Variants in ICA1L observed in about 807,000 individuals in gnomAD.
The protein encoded by ICA1L is islet cell autoantigen 1-like protein.
ICA1L carries 50 observed loss-of-function variants against 61.3 expected under a neutral mutation model. The ratio of observed to expected loss-of-function variants is 0.82; its 90% CI spans 0.65 to 1.03. The LOEUF (loss-of-function observed/expected upper bound fraction) is 1.03, where lower values mean the gene tolerates loss of function less well. Ranked by LOEUF, ICA1L falls within the 50% of genes least tolerant of loss-of-function variation. The pLI, the probability that ICA1L is intolerant of heterozygous loss-of-function variation, is 0.00. For missense variants in ICA1L, 508 were observed against 556.7 expected (o/e 0.91, Z 0.88); for synonymous variants, 161 against 191.3 (o/e 0.84, Z 1.31).
chr2:202,774,597 G>A lies in ICA1L; in HGVS notation c.*4936C>T. The A allele has an allele frequency of 3.4e-6, 1 of 294,272 alleles. No individual in the cohort carries two copies. The highest frequency in any genetic ancestry group is 1.3e-4 in the South Asian group (1 of 7,784). The allele number at this position is 294,272 out of a possible 1,614,324, so 18.2% of individuals were successfully genotyped here. A position where few individuals can be genotyped will look rare whatever the true frequency, so the allele number is the denominator to read the frequency against. On this transcript the variant is annotated 3_prime_UTR_variant, in exon 13 of 13. Transcript: ENST00000358299. The stretch of plus-strand genomic sequence containing the variant: ...CTAGAGAGACCAGTCACTGCATGCT[G>A]AGAGGGGGTCACATGGGAGGGGGCT...
At position 202,788,850 on chromosome 2, in the gene ICA1L, T is replaced by G. The variant is rs1474585500; in HGVS notation, c.1223A>C (p.His408Pro). ...LPSQLFDLGF[H>P]VAGAFNNWVS... ...CTTACTGTTGAACGCTCCAGCCACA[T>G]GAAAGCCAAGGTCAAAGAGTTGTGA... Residue 408 changes from histidine (H) to proline (P), a missense_variant, in exon 11 of 13, where the codon CAT becomes CCT. Physicochemically the swap from His to Pro is moderately conservative, Grantham distance 77 (BLOSUM62 -2). Transcript: ENST00000358299. 6.2e-7 allele frequency: 1 copy of G among 1,614,064 alleles called. No individual in the cohort carries two copies. Among genetic ancestry groups the G allele is most frequent in the South Asian group, 1.1e-5 (1 of 91,072 alleles).
chr2:202,848,670 A>C (rs1359859833), intron 1 of ICA1L, among the ~76,000 whole-genome samples: 1 of 152,166 alleles, frequency 6.6e-6, no homozygotes, highest in Non-Finnish European at 1.5e-5. Context: ...AAAAGTCATA[A>C]ATCTCTTTAA....
chr2:202,829,517 C>T (rs561551824), intron 1 of ICA1L, among the ~76,000 whole-genome samples: 3 of 152,010 alleles, frequency 2.0e-5, no homozygotes, highest in South Asian at 2.1e-4. Flanking sequence ...GTGGTGCAAT[C>T]ATAGTTCAGA....
intron 1 of ICA1L, among the ~76,000 whole-genome samples, chr2:202,843,692 T>C (rs774136576): frequency 1.3e-5 from 2 of 152,184 alleles, no homozygotes; most frequent in Admixed American, 6.5e-5. Flanking sequence ...ATGCAGATGC[T>C]TGTTAAACAG....
At chr2:202,810,927 C>A (rs1559134913) in intron 9 of ICA1L, among the ~76,000 whole-genome samples, 1 of 152,112 alleles carries the variant, frequency 6.6e-6, no homozygotes, top group Non-Finnish European at 1.5e-5. Context: ...TTGGTCAGAC[C>A]AGTTGTCTGC....
rs1692139443 is a variant in ICA1L, at chr2:202,774,136, C to A, written c.*5397G>T. On this transcript the variant is annotated 3_prime_UTR_variant, in exon 13 of 13. Transcript: ENST00000358299. ...AAGCTATTCTCAACTCTTCATTAAT[C>A]AATTCATTTGTTGATGCTTCATATC... 3 of 1,387,170 alleles carry A rather than the reference C, an allele frequency of 2.2e-6. No homozygotes were observed. In the Admixed American group the frequency reaches 6.1e-5, roughly 28 times the overall value. The allele number at this position is 1,387,170 out of a possible 1,614,324, so 85.9% of individuals were successfully genotyped here. A position where few individuals can be genotyped will look rare whatever the true frequency, so the allele number is the denominator to read the frequency against.
chr2:202,810,689 G>A (rs1331592737), intron 9 of ICA1L, among the ~76,000 whole-genome samples: 3 of 152,198 alleles, frequency 2.0e-5, no homozygotes, highest in Admixed American at 1.3e-4. Context: ...AGGCAGAACA[G>A]AGCCATATTT....
chr2:202,843,124 A>G, intron 1 of ICA1L, among the ~76,000 whole-genome samples: 1 of 152,280 alleles, frequency 6.6e-6, no homozygotes, highest in East Asian at 1.9e-4. Context: ...GAGGCAGTTT[A>G]TATATGTCCA....
chr2:202,843,754 T>C (rs1023301743), intron 1 of ICA1L, among the ~76,000 whole-genome samples: 56 of 152,316 alleles, frequency 3.7e-4, no homozygotes, highest in Non-Finnish European at 8.8e-5. Flanking sequence ...AGAGTAGCTC[T>C]AGGATTGGGG....
At chr2:202,824,707 TAGG>T (rs1693789218) in intron 3 of ICA1L, among the ~76,000 whole-genome samples, 1 of 152,088 alleles carries the variant, frequency 6.6e-6, no homozygotes, top group Admixed American at 6.5e-5. Context: ...GAGAAGCTTT[TAGG>T]AGGTGTGATT....
At chr2:202,811,655 G>C in intron 9 of ICA1L, 91 bp downstream of exon 9, 2 of 701,396 alleles carry the variant, frequency 2.9e-6, no homozygotes, top group Non-Finnish European at 4.4e-6. Context: ...GAGCAAGACT[G>C]TCTCAAAAAA....
At chr2:202,791,092 T>C (rs1692734598) in intron 10 of ICA1L, among the ~76,000 whole-genome samples, 1 of 152,170 alleles carries the variant, frequency 6.6e-6, no homozygotes. Flanking sequence ...GGCTAAACTG[T>C]AGGCCAGCTG....
At chr2:202,842,235 G>C (rs1156650139) in intron 1 of ICA1L, among the ~76,000 whole-genome samples, 1 of 152,144 alleles carries the variant, frequency 6.6e-6, no homozygotes, top group Non-Finnish European at 1.5e-5. Context: ...TTCTAAATTT[G>C]TGTAATTGTA....
intron 9 of ICA1L, among the ~76,000 whole-genome samples, chr2:202,806,378 A>G (rs537733347): frequency 6.6e-6 from 1 of 152,318 alleles, no homozygotes; most frequent in South Asian, 2.1e-4. Flanking sequence ...CTTAAAGGGA[A>G]GGACCCAGTC....
intron 5 of ICA1L, among the ~76,000 whole-genome samples, chr2:202,818,736 C>G: frequency 6.6e-6 from 1 of 152,212 alleles, no homozygotes; most frequent in East Asian, 1.9e-4. Flanking sequence ...ACTTGTTCCT[C>G]CTTGCCTTCT....
chr2:202,868,943 G>A (rs990808208), intron 1 of ICA1L, among the ~76,000 whole-genome samples: 13 of 152,000 alleles, frequency 8.6e-5, no homozygotes, highest in African/African-American at 3.1e-4. Context: ...ACTCCAGTCT[G>A]GGTGACAGAG....
intron 1 of ICA1L, chr2:202,870,430 C>T (rs557889540): frequency 6.6e-6 from 1 of 152,212 alleles, no homozygotes; most frequent in East Asian, 1.9e-4. Context: ...TCATTTTGAA[C>T]TATTAAATAA....
At position 202,778,134 on chromosome 2, in the gene ICA1L, C is replaced by T; in HGVS notation, c.*1399G>A. ...TGACCTCGTGATCCGCCTGCCTCAG[C>T]CTCCCAAAGTGCTGGGATTACAAGC... On this transcript the variant is annotated 3_prime_UTR_variant, in exon 13 of 13. Transcript: ENST00000358299. 6.6e-6 allele frequency: 1 copy of T among 152,252 alleles called. No homozygotes were observed. Among genetic ancestry groups the T allele is most frequent in the Non-Finnish European group, 1.5e-5 (1 of 68,036 alleles). 9.4% of individuals were successfully genotyped at this position (152,252 alleles called of 1,614,324 possible).
intron 9 of ICA1L, among the ~76,000 whole-genome samples, chr2:202,810,952 T>A (rs960394667): frequency 6.6e-6 from 1 of 152,206 alleles, no homozygotes; most frequent in Non-Finnish European, 1.5e-5. Flanking sequence ...AAACCGTGTC[T>A]CTGATAAGAT....
Sources: allele counts gnomAD v4.1 joint callset (sites outside exome capture counted in the v4.1 genomes callset), GRCh38; gene constraint gnomAD v4.1.1; transcripts MANE v1.5; gene names NCBI Gene and HGNC (gene_info 2026-07-23, HGNC 2026-07-21).